The following KCNK9 variants were observed in gnomAD, a reference collection of about 807,000 sequenced individuals.
KCNK9 encodes potassium two pore domain channel subfamily K member 9, also known as potassium channel subfamily K member 9.
KCNK9 carries 1 observed loss-of-function variant against 10.8 expected under a neutral mutation model. That is an observed-to-expected ratio of 0.09 (90% CI 0.03 to 0.44). The LOEUF (loss-of-function observed/expected upper bound fraction) is 0.44, where lower values mean the gene tolerates loss of function less well. Among genes scored for constraint, KCNK9 ranks in the 20% least tolerant of loss-of-function variants. KCNK9 has a pLI of 0.97. For missense variants in KCNK9, 303 were observed against 515.0 expected (o/e 0.59, Z 3.98); for synonymous variants, 231 against 222.7 (o/e 1.04, Z -0.33).
chr8:139,660,635 T>TA (rs1301660764), intron 1 of KCNK9, among the ~76,000 whole-genome samples: 1 of 151,298 alleles, frequency 6.6e-6, no homozygotes, highest in South Asian at 2.1e-4. Context: ...AAAATAAAAA[T>TA]AAAAAAAATA....
chr8:139,634,695 C>T (rs544949312), intron 1 of KCNK9, among the ~76,000 whole-genome samples: 25 of 152,240 alleles, frequency 1.6e-4, no homozygotes, highest in African/African-American at 5.5e-4. Flanking sequence ...AGTAGGTAAC[C>T]GTTCCCCAAA....
In KCNK9 at chr8:139,702,178, T is replaced by TCTGAG. The variant is rs1241726055; in HGVS notation, c.283+527_283+531dup. Among the ~76,000 whole-genome samples the TCTGAG allele has an allele frequency of 1.3e-5, 2 of 152,006 alleles. No homozygotes were observed. The highest frequency in any genetic ancestry group is 2.4e-5 in the African/African-American group (1 of 41,380). ...CCGGGCGGGGGGAAGAGAGATGAAATCTGAGCTCAGAGAAGCCTGGAGCGG... is the reference window on the plus strand; with the variant it reads ...CCGGGCGGGGGGAAGAGAGATGAAATCTGAGCTGAGCTCAGAGAAGCCTGGAGCGG... On this transcript the variant is annotated intron_variant, in intron 1 of 1. Coordinates refer to ENST00000520439, the MANE Select transcript of KCNK9 (RefSeq NM_001282534.2). This position sits in a 1 kb window ranked among gnomAD's most constrained non-coding sequence, Gnocchi z 7.5.
intron 1 of KCNK9, among the ~76,000 whole-genome samples, chr8:139,655,813 G>A (rs558571858): frequency 6.6e-6 from 1 of 152,302 alleles, no homozygotes; most frequent in East Asian, 1.9e-4. Context: ...GATCATCAGG[G>A]AAGGTTTCCT....
At chr8:139,678,285 A>G (rs1328526250) in intron 1 of KCNK9, among the ~76,000 whole-genome samples, 1 of 152,212 alleles carries the variant, frequency 6.6e-6, no homozygotes, top group Non-Finnish European at 1.5e-5. Context: ...CTTTCCTGAC[A>G]TGTACACCTT....
At position 139,698,554 on chromosome 8, in the gene KCNK9, G is replaced by A. The variant is rs28418564; in HGVS notation, c.283+4156C>T. Among the ~76,000 whole-genome samples, 1,129 of 152,338 alleles carry A rather than the reference G, an allele frequency of 7.4e-3. 5 individuals are homozygous for A. The highest frequency in any genetic ancestry group is 0.026 in the African/African-American group (1,070 of 41,572). On this transcript the variant is annotated intron_variant, in intron 1 of 1. Transcript: ENST00000520439. ...TGCTAAGCAGGGTGGCAGGGAAGGG[G>A]TTGAAGCAGCCACTGGGCTTAGCTG...
chr8:139,641,834 G>A (rs1815515674), intron 1 of KCNK9, among the ~76,000 whole-genome samples: 2 of 152,178 alleles, frequency 1.3e-5, no homozygotes, highest in Admixed American at 1.3e-4. Context: ...TGTGGCTGAG[G>A]ACTGGGCCAC....
chr8:139,647,517 G>A (rs1335982549), intron 1 of KCNK9, among the ~76,000 whole-genome samples: 3 of 152,214 alleles, frequency 2.0e-5, no homozygotes, highest in Admixed American at 2.0e-4. Context: ...GGCTAGACGT[G>A]CACGCGGCAT....
At chr8:139,643,648 A>G (rs1445468182) in intron 1 of KCNK9, among the ~76,000 whole-genome samples, 1 of 152,278 alleles carries the variant, frequency 6.6e-6, no homozygotes, top group South Asian at 2.1e-4. Flanking sequence ...GGACAAGCCC[A>G]TGGCTTCCCA....
At chr8:139,662,865 GT>G (rs1816195702) in intron 1 of KCNK9, among the ~76,000 whole-genome samples, 5 of 113,154 alleles carry the variant, frequency 4.4e-5, no homozygotes, top group Non-Finnish European at 1.6e-5. Context: ...AAGGGGAGGG[GT>G]GGGGGAAGGG....
rs190199537 is a variant in KCNK9, at chr8:139,671,540, T to C, written c.283+31170A>G. Among the ~76,000 whole-genome samples the C allele has an allele frequency of 4.0e-5, 6 of 151,220 alleles. No homozygotes were observed. In the East Asian group the frequency reaches 1.2e-3, roughly 29 times the overall value. On this transcript the variant is annotated intron_variant, in intron 1 of 1. Transcript: ENST00000520439. ...TTTTTTTTTTTTTTTAGATGGAGTC[T>C]TGCTCCGTTGCCCAGGCTAGAGTGC...
chr8:139,694,282 A>G (rs1326544298), intron 1 of KCNK9, among the ~76,000 whole-genome samples: 2 of 152,196 alleles, frequency 1.3e-5, no homozygotes, highest in Non-Finnish European at 2.9e-5. Flanking sequence ...GACCACCATC[A>G]CAACAAAGCT....
At chr8:139,672,064 C>T (rs1056935563) in intron 1 of KCNK9, among the ~76,000 whole-genome samples, 3 of 152,166 alleles carry the variant, frequency 2.0e-5, no homozygotes, top group African/African-American at 7.2e-5. Context: ...GAGATCCTTC[C>T]TCAGGCCGGG....
intron 1 of KCNK9, among the ~76,000 whole-genome samples, chr8:139,644,720 C>CA (rs895168639): frequency 4.0e-5 from 6 of 150,720 alleles, no homozygotes; most frequent in Admixed American, 6.6e-5. Context: ...CCCTGTCCCC[C>CA]CCCCCCAGAG....
At chr8:139,701,882 G>A (rs547757625) in intron 1 of KCNK9, among the ~76,000 whole-genome samples, 29 of 152,300 alleles carry the variant, frequency 1.9e-4, no homozygotes, top group African/African-American at 6.7e-4. Flanking sequence ...CCTTGGCAGT[G>A]GGGCTGGCGG....
intron 1 of KCNK9, among the ~76,000 whole-genome samples, chr8:139,696,838 T>C (rs894367976): frequency 6.8e-6 from 1 of 146,298 alleles, no homozygotes; most frequent in African/African-American, 2.6e-5. Flanking sequence ...GGTGGATGGA[T>C]AGATGGATGA....
At chr8:139,638,773 T>C (rs555656288) in intron 1 of KCNK9, among the ~76,000 whole-genome samples, 17 of 152,338 alleles carry the variant, frequency 1.1e-4, no homozygotes, top group Non-Finnish European at 2.4e-4. Context: ...CAGCACCCGC[T>C]GTGGGATGGC....
chr8:139,672,875 C>T (rs1816466433), intron 1 of KCNK9, among the ~76,000 whole-genome samples: 1 of 152,242 alleles, frequency 6.6e-6, no homozygotes, highest in Non-Finnish European at 1.5e-5. Context: ...GCGTGGGTTC[C>T]ACCCTGCCCG....
rs568411435 is a variant in KCNK9 at position 139,668,525 on chromosome 8, G to A, written c.283+34185C>T. Among the ~76,000 whole-genome samples, 8 of 151,720 alleles carry A rather than the reference G, an allele frequency of 5.3e-5. No individual in the cohort carries two copies. In the East Asian group the frequency reaches 5.8e-4, roughly 11 times the overall value. Reference sequence around the variant, plus strand: ...CAACCTCTGCCTCCCAGGTTCAAGCGATTATCCTGCCTCAGCCTCCCAAGT... The same window carrying A: ...CAACCTCTGCCTCCCAGGTTCAAGCAATTATCCTGCCTCAGCCTCCCAAGT... On this transcript the variant is annotated intron_variant, in intron 1 of 1. Transcript: ENST00000520439.
intron 1 of KCNK9, among the ~76,000 whole-genome samples, chr8:139,651,976 T>A (rs1815879110): frequency 6.6e-6 from 1 of 152,104 alleles, no homozygotes; most frequent in Admixed American, 6.5e-5. Flanking sequence ...TCATCCCTGC[T>A]GCAATGAGAA....
Sources: allele counts gnomAD v4.1 joint callset (sites outside exome capture counted in the v4.1 genomes callset), GRCh38; gene constraint gnomAD v4.1.1; non-coding constraint Gnocchi (gnomAD v3.1); transcripts MANE v1.5; gene names NCBI Gene and HGNC (gene_info 2026-07-23, HGNC 2026-07-21).